Variants in RBFOX1 observed in about 807,000 individuals in gnomAD.
The protein encoded by RBFOX1 is RNA binding protein fox-1 homolog 1.
A neutral mutation model predicts 57.7 loss-of-function variants in RBFOX1; 8 were observed. That is an observed-to-expected ratio of 0.14 (90% CI 0.08 to 0.25). The LOEUF is 0.25. Ranked by LOEUF, RBFOX1 falls within the 10% of genes least tolerant of loss-of-function variation. The probability of loss-of-function intolerance (pLI) is 1.00; values close to 1 mark genes in which losing one functional copy is unlikely to be tolerated. For synonymous variants in RBFOX1, 326 were observed against 222.4 expected, an observed-to-expected ratio of 1.47 and a Z score of -4.15; for missense variants, 611 against 548.5, an observed-to-expected ratio of 1.11 and a Z score of -1.14.
chr16:6,462,278 G>A (rs916892088), intron 2 of RBFOX1, among the ~76,000 whole-genome samples: 1 of 152,160 alleles, frequency 6.6e-6, no homozygotes, highest in Non-Finnish European at 1.5e-5. Flanking sequence ...CCTGATGCAT[G>A]CTCTTCTGTA....
chr16:7,361,345 G>T (rs928955249), intron 4 of RBFOX1, among the ~76,000 whole-genome samples: 1 of 152,194 alleles, frequency 6.6e-6, no homozygotes, highest in Non-Finnish European at 1.5e-5. Flanking sequence ...GACTTAGAAA[G>T]CTTTGCATTA....
At chr16:5,241,159 C>T (rs117298098) in intron 1 of RBFOX1, among the ~76,000 whole-genome samples, 16 of 152,176 alleles carry the variant, frequency 1.1e-4, no homozygotes, top group East Asian at 1.9e-4. Context: ...GCCTCAGAGC[C>T]CCCCCTGCCC....
At chr16:6,812,539 A>G (rs183404314) in intron 3 of RBFOX1, among the ~76,000 whole-genome samples, 1 of 151,900 alleles carries the variant, frequency 6.6e-6, no homozygotes, top group African/African-American at 2.4e-5. Flanking sequence ...ACGCCCAGCT[A>G]ATTTTTTTTG....
At chr16:7,273,773 C>T (rs2095387004) in intron 4 of RBFOX1, among the ~76,000 whole-genome samples, 1 of 152,180 alleles carries the variant, frequency 6.6e-6, no homozygotes, top group South Asian at 2.1e-4. Flanking sequence ...ATTTGCCATA[C>T]CCATTTCATT....
At chr16:5,930,995 T>A (rs2059043674) in intron 4 of RBFOX1, among the ~76,000 whole-genome samples, 1 of 151,232 alleles carries the variant, frequency 6.6e-6, no homozygotes, top group South Asian at 2.1e-4. Context: ...CATGGATGGG[T>A]AGGTGGGAGG....
chr16:6,831,400 T>C (rs1729090119), intron 3 of RBFOX1, among the ~76,000 whole-genome samples: 3 of 152,192 alleles, frequency 2.0e-5, no homozygotes, highest in Non-Finnish European at 4.4e-5. Flanking sequence ...GTGTTACCTA[T>C]GCAAAAAACA....
intron 3 of RBFOX1, among the ~76,000 whole-genome samples, chr16:5,774,588 G>T (rs2054085961): frequency 6.6e-6 from 1 of 152,120 alleles, no homozygotes; most frequent in South Asian, 2.1e-4. Flanking sequence ...TAATCATTAG[G>T]TAGTCACCAT....
At chr16:6,957,030 A>G (rs1435325489) in intron 3 of RBFOX1, among the ~76,000 whole-genome samples, 3 of 152,142 alleles carry the variant, frequency 2.0e-5, no homozygotes, top group Admixed American at 2.0e-4. Context: ...GAAATAAAAG[A>G]ATAGGCATAT....
rs180837574 is a variant in RBFOX1, at chr16:5,891,735, G to A, written c.351+24400G>A. On this transcript the variant is annotated intron_variant, in intron 4 of 19. Transcript: ENST00000641259. ...GAGAAAGGAACAGTGAGAAAGGGCT[G>A]TGGGGCCCAGAAAGTTCCTGGGGCA... Among the ~76,000 whole-genome samples, 10 of 152,324 alleles carry A rather than the reference G, an allele frequency of 6.6e-5. No homozygotes were observed. In the South Asian group the frequency reaches 1.0e-3, roughly 16 times the overall value.
In RBFOX1 at chr16:6,541,172, CTT is replaced by C. The variant is rs540067277; in HGVS notation, c.-63-113429_-63-113428del. 2.5e-4 allele frequency among the ~76,000 whole-genome samples: 38 copies of C among 152,302 alleles called. No homozygotes were observed. In the South Asian group the frequency reaches 7.5e-3, roughly 30 times the overall value. ...TGGTAGTAGGACACAGATGAGAACT[CTT>C]TCATTCTATGCGGTAATGGCTCTAG... On this transcript the variant is annotated intron_variant, in intron 2 of 15. Coordinates refer to ENST00000550418, the MANE Select transcript of RBFOX1 (RefSeq NM_018723.4).
At chr16:6,027,902 C>T (rs913186669) in intron 1 of RBFOX1, among the ~76,000 whole-genome samples, 3 of 152,116 alleles carry the variant, frequency 2.0e-5, no homozygotes, top group Admixed American at 6.5e-5. Context: ...TGTGGAGTTC[C>T]GCCTGCAGAG....
chr16:6,986,245 G>T (rs552547349), intron 3 of RBFOX1, among the ~76,000 whole-genome samples: 9 of 148,438 alleles, frequency 6.1e-5, no homozygotes, highest in Non-Finnish European at 7.4e-5. Context: ...CTGTCACCCA[G>T]GCTGGAGTGC....
chr16:5,390,279 AGTTTT>A (rs1189559556), intron 1 of RBFOX1, among the ~76,000 whole-genome samples: 1 of 148,528 alleles, frequency 6.7e-6, no homozygotes, highest in African/African-American at 2.5e-5. Flanking sequence ...ATCGAAAAGT[AGTTTT>A]TTTTTTCTTT....
chr16:7,209,167 A>G (rs922688647), intron 4 of RBFOX1, among the ~76,000 whole-genome samples: 1 of 146,684 alleles, frequency 6.8e-6, no homozygotes, highest in Non-Finnish European at 1.5e-5. Flanking sequence ...TAATAATAAT[A>G]ATAATAATAA....
chr16:6,074,379 A>G (rs1055698199), intron 1 of RBFOX1, among the ~76,000 whole-genome samples: 1 of 152,046 alleles, frequency 6.6e-6, no homozygotes. Context: ...CTCTGCAGAT[A>G]TTTTCTGGAA....
chr16:6,042,377 G>A (rs2095446785), intron 1 of RBFOX1, among the ~76,000 whole-genome samples: 1 of 152,094 alleles, frequency 6.6e-6, no homozygotes, highest in South Asian at 2.1e-4. Context: ...GGGATTACAG[G>A]CATGAGCCAC....
At chr16:7,399,256 T>G (rs1039697700) in intron 4 of RBFOX1, among the ~76,000 whole-genome samples, 2 of 151,930 alleles carry the variant, frequency 1.3e-5, no homozygotes, top group African/African-American at 2.4e-5. Flanking sequence ...GAGACCAGCT[T>G]GACCAACACG....
chr16:6,491,889 G>T (rs1398547004), intron 2 of RBFOX1, among the ~76,000 whole-genome samples: 3 of 152,188 alleles, frequency 2.0e-5, no homozygotes, highest in African/African-American at 4.8e-5. Flanking sequence ...TGTAGATGAA[G>T]AGATTTATGT....
intron 2 of RBFOX1, among the ~76,000 whole-genome samples, chr16:6,539,806 G>GACACACACACACACACACAAACACACAC (rs2096787224): frequency 7.3e-6 from 1 of 136,234 alleles, no homozygotes; most frequent in Non-Finnish European, 1.6e-5. Flanking sequence ...TCAAAACACA[G>GACACACACACACACACACAAACACACAC]ACACACACAC....
Sources: allele counts gnomAD v4.1 joint callset (sites outside exome capture counted in the v4.1 genomes callset), GRCh38; gene constraint gnomAD v4.1.1; transcripts MANE v1.5; gene names NCBI Gene and HGNC (gene_info 2026-07-23, HGNC 2026-07-21).